Variants in ASCC3 observed in about 807,000 individuals in gnomAD.
The protein encoded by ASCC3 is activating signal cointegrator 1 complex subunit 3.
ASCC3 carries 158 observed loss-of-function variants against 256.3 expected under a neutral mutation model. That is an observed-to-expected ratio of 0.62 (90% CI 0.54 to 0.70). ASCC3 has a LOEUF of 0.70. Ranked by LOEUF, ASCC3 falls within the 30% of genes least tolerant of loss-of-function variation. The pLI is 0.00. For synonymous variants in ASCC3, 948 were observed against 883.4 expected (o/e 1.07, Z -1.30); for missense variants, 2,259 against 2,626.0 (o/e 0.86, Z 3.05).
At chr6:100,754,635 C>T (rs1298395465) in intron 10 of ASCC3, among the ~76,000 whole-genome samples, 1 of 152,118 alleles carries the variant, frequency 6.6e-6, no homozygotes, top group East Asian at 1.9e-4. Flanking sequence ...AACTATTGTA[C>T]TACTCTTCAA....
intron 36 of ASCC3, among the ~76,000 whole-genome samples, chr6:100,573,253 G>T (rs529743021): frequency 3.3e-5 from 5 of 152,032 alleles, no homozygotes; most frequent in Non-Finnish European, 7.4e-5. Flanking sequence ...ATGATTTTTA[G>T]TTAAAACAGC....
intron 6 of ASCC3, 24 bp from the exon 7 acceptor site, chr6:100,799,596 A>C: frequency 1.2e-6 from 2 of 1,607,414 alleles, no homozygotes; most frequent in South Asian, 1.1e-5. Context: ...AATAGGCCTA[A>C]TTTGAAATGT....
intron 13 of ASCC3, among the ~76,000 whole-genome samples, chr6:100,710,332 C>A (rs1319185723): frequency 6.6e-6 from 1 of 152,134 alleles, no homozygotes; most frequent in Non-Finnish European, 1.5e-5. Flanking sequence ...TTCCTAAGTT[C>A]TTCATGCCCT....
chr6:100,812,693 G>T (rs572613377), intron 4 of ASCC3, among the ~76,000 whole-genome samples: 1 of 152,302 alleles, frequency 6.6e-6, no homozygotes, highest in East Asian at 1.9e-4. Flanking sequence ...ACTTTGAGAA[G>T]CTGAGGAGGG....
At chr6:100,693,087 A>G (rs1777912444) in intron 13 of ASCC3, among the ~76,000 whole-genome samples, 2 of 152,014 alleles carry the variant, frequency 1.3e-5, no homozygotes, top group South Asian at 2.1e-4. Flanking sequence ...ATATATAATG[A>G]TATGAATTTA....
At chr6:100,665,240 G>A (rs1312476666) in intron 14 of ASCC3, among the ~76,000 whole-genome samples, 2 of 151,974 alleles carry the variant, frequency 1.3e-5, no homozygotes, top group Non-Finnish European at 2.9e-5. Context: ...ATATCTCTCT[G>A]GTCTCTGTGA....
At chr6:100,642,046 G>A (rs991210697) in intron 24 of ASCC3, among the ~76,000 whole-genome samples, 2 of 151,516 alleles carry the variant, frequency 1.3e-5, no homozygotes, top group Non-Finnish European at 2.9e-5. Flanking sequence ...ATAGCATTAG[G>A]TGATATACCT....
intron 14 of ASCC3, among the ~76,000 whole-genome samples, chr6:100,663,769 A>T (rs1437354778): frequency 6.6e-6 from 1 of 152,158 alleles, no homozygotes; most frequent in African/African-American, 2.4e-5. Context: ...TTGCACCTCA[A>T]ATTGCAAGTT....
intron 4 of ASCC3, among the ~76,000 whole-genome samples, chr6:100,807,589 G>T (rs1365489930): frequency 6.6e-6 from 1 of 151,896 alleles, no homozygotes; most frequent in Non-Finnish European, 1.5e-5. Flanking sequence ...GGGTAAAACT[G>T]CTGGTGCCTT....
chr6:100,818,573 A>T (rs1459213508), intron 4 of ASCC3, among the ~76,000 whole-genome samples: 1 of 149,758 alleles, frequency 6.7e-6, no homozygotes, highest in African/African-American at 2.4e-5. Flanking sequence ...CGTCTCAAAA[A>T]AAAAAAAAAA....
rs1283345990 is a variant in ASCC3 at position 100,518,062 on chromosome 6, C to T, written c.5856G>A (p.Gln1952=). The T allele has an allele frequency of 1.2e-6, 2 of 1,613,686 alleles. No individual in the cohort carries two copies. The highest frequency in any genetic ancestry group is 1.7e-6 in the Non-Finnish European group (2 of 1,179,720). The change falls in exon 38 of 42, where the codon CAG becomes CAA. Residue 1952 remains glutamine (Q), a synonymous_variant. Coordinates refer to ENST00000369162, the MANE Select transcript of ASCC3 (RefSeq NM_006828.4). ...NITNLIQMVI[Q]GRWLKDSSLL... ...GAGAAGAGTCCTTTAACCACCGACC[C>T]TGGATCACCATCTGAATCAGGTTGG...
At chr6:100,879,285 ATGGAGG>A (rs1769162009) in intron 1 of ASCC3, among the ~76,000 whole-genome samples, 2 of 152,082 alleles carry the variant, frequency 1.3e-5, no homozygotes, top group Non-Finnish European at 2.9e-5. Flanking sequence ...TTGAGTTTTT[ATGGAGG>A]CTTCACTACA....
chr6:100,562,644 G>C (rs1562120658), intron 36 of ASCC3, among the ~76,000 whole-genome samples: 1 of 151,890 alleles, frequency 6.6e-6, no homozygotes, highest in Non-Finnish European at 1.5e-5. Flanking sequence ...AGAGATACTG[G>C]TCTTTACGGA....
At chr6:100,830,266 T>G (rs1771558356) in intron 4 of ASCC3, among the ~76,000 whole-genome samples, 1 of 151,936 alleles carries the variant, frequency 6.6e-6, no homozygotes, top group Non-Finnish European at 1.5e-5. Flanking sequence ...AACTAAAATT[T>G]TAACTGAGTA....
intron 36 of ASCC3, among the ~76,000 whole-genome samples, chr6:100,578,241 TC>T (rs1210818969): frequency 6.6e-6 from 1 of 152,036 alleles, no homozygotes; most frequent in Non-Finnish European, 1.5e-5. Context: ...ATTCTGACAA[TC>T]TTCTGCTAAT....
At position 100,715,536 on chromosome 6, in the gene ASCC3, T is replaced by C; in HGVS notation, c.2080-3A>G. The C allele has an allele frequency of 1.2e-6, 2 of 1,607,242 alleles. No homozygotes were observed. Among genetic ancestry groups the C allele is most frequent in the East Asian group, 2.2e-5 (1 of 44,594 alleles). On this transcript the variant is annotated splice_polypyrimidine_tract_variant and splice_region_variant and intron_variant, in intron 12 of 41. Transcript: ENST00000369162. ...TCCATGTTATTCAACTGCTGCATCT[T>C]GAAGATTTTAAAACATAAAAAAAAT...
intron 1 of ASCC3, among the ~76,000 whole-genome samples, chr6:100,877,612 A>G (rs1769046360): frequency 6.6e-6 from 1 of 152,186 alleles, no homozygotes; most frequent in African/African-American, 2.4e-5. Flanking sequence ...ATTAAACCTT[A>G]TTACCATCAA....
At chr6:100,703,441 G>A (rs1778434604) in intron 13 of ASCC3, among the ~76,000 whole-genome samples, 2 of 151,968 alleles carry the variant, frequency 1.3e-5, no homozygotes, top group South Asian at 2.1e-4. Flanking sequence ...AGTAAAATAA[G>A]TCTTGCTCTT....
At chr6:100,602,727 G>C (rs1424948026) in intron 33 of ASCC3, among the ~76,000 whole-genome samples, 1 of 152,138 alleles carries the variant, frequency 6.6e-6, no homozygotes, top group East Asian at 1.9e-4. Flanking sequence ...TAGGTGTTGT[G>C]GAGTACACAA....
Sources: gnomAD v4.1 joint callset for allele counts (sites outside exome capture counted in the v4.1 genomes callset) on GRCh38, gnomAD v4.1.1 for gene constraint, MANE v1.5 for transcripts, NCBI Gene and HGNC (gene_info 2026-07-23, HGNC 2026-07-21) for gene names.